The following PRPF3 variants were observed in gnomAD, a reference collection of about 807,000 sequenced individuals.
PRPF3 encodes the protein U4/U6 small nuclear ribonucleoprotein Prp3.
In PRPF3, 3 loss-of-function variants were observed where a neutral mutation model predicts 89.2. The observed-to-expected ratio is 0.03, with a 90% CI of 0.02 to 0.09. The LOEUF is 0.09. Ranked by LOEUF, PRPF3 falls within the 10% of genes least tolerant of loss-of-function variation. The pLI is 1.00. For synonymous variants in PRPF3, 270 were observed against 289.1 expected (o/e 0.93, Z 0.67); for missense variants, 463 against 828.8 (o/e 0.56, Z 5.42).
rs1657259424 is a variant in PRPF3, at chr1:150,338,162, T to C, written c.1038T>C (p.Ala346=). The change falls in exon 8 of 16, where the codon GCT becomes GCC. Residue 346 remains alanine, a splice_region_variant and synonymous_variant. Transcript: ENST00000324862. ...EKIAQRLRTK[A]QLEKLQAEIS... ...GTCTTGGATTATCTTGTTTTTAGGC[T>C]CAACTGGAGAAGCTACAGGCAGAGA... 1 of 1,613,780 alleles carries C rather than the reference T, an allele frequency of 6.2e-7. No individual in the cohort carries two copies.
intron 12 of PRPF3, 42 bp downstream of exon 12, chr1:150,344,589 A>G (rs1572267659): frequency 1.2e-6 from 2 of 1,600,996 alleles, no homozygotes; most frequent in Non-Finnish European, 1.7e-6. Context: ...TAGAATTACT[A>G]AAACATTTTC....
chr1:150,352,286 C>A (rs1038258208), intron 15 of PRPF3, among the ~76,000 whole-genome samples: 4 of 152,174 alleles, frequency 2.6e-5, no homozygotes, highest in Non-Finnish European at 5.9e-5. Flanking sequence ...ACTTGCTGTT[C>A]CACCCAGGCA....
At chr1:150,338,846 T>C (rs1218935617) in intron 8 of PRPF3, among the ~76,000 whole-genome samples, 4 of 152,134 alleles carry the variant, frequency 2.6e-5, no homozygotes, top group Non-Finnish European at 5.9e-5. Flanking sequence ...ATGTATCATA[T>C]ATATAGGCTG....
At chr1:150,326,001 T>C in intron 3 of PRPF3, 120 bp downstream of exon 3, 1 of 1,261,492 alleles carries the variant, frequency 7.9e-7, no homozygotes, top group East Asian at 2.5e-5. Flanking sequence ...TCAAGAGAGG[T>C]ACTTAGACAT....
At chr1:150,335,704 A>G (rs374824732) in intron 7 of PRPF3, among the ~76,000 whole-genome samples, 1 of 150,944 alleles carries the variant, frequency 6.6e-6, no homozygotes, top group South Asian at 2.1e-4. Flanking sequence ...ACCTCAGGTG[A>G]TCTGCCCACT....
chr1:150,321,953 A>C (rs1553862119), intron 1 of PRPF3, among the ~76,000 whole-genome samples: 2 of 152,040 alleles, frequency 1.3e-5, no homozygotes, highest in African/African-American at 4.8e-5. Context: ...TTCCTTCTGA[A>C]GACTGGATTT....
intron 12 of PRPF3, among the ~76,000 whole-genome samples, chr1:150,344,932 G>C (rs1411392720): frequency 6.6e-6 from 1 of 150,722 alleles, no homozygotes; most frequent in Admixed American, 6.6e-5. Context: ...AACATCCATG[G>C]AAGCATTACA....
At chr1:150,337,702 C>T (rs986149273) in intron 7 of PRPF3, among the ~76,000 whole-genome samples, 5 of 147,942 alleles carry the variant, frequency 3.4e-5, no homozygotes, top group East Asian at 2.0e-4. Context: ...GGCGTGAACC[C>T]GGGAGGTGGA....
chr1:150,325,974 T>C (rs1202002943), intron 3 of PRPF3, 93 bp downstream of exon 3: 3 of 1,484,452 alleles, frequency 2.0e-6, no homozygotes, highest in Non-Finnish European at 2.8e-6. Context: ...ATATCCTCTA[T>C]TTAGAGCAGC....
intron 15 of PRPF3, among the ~76,000 whole-genome samples, chr1:150,352,543 T>C (rs1659040819): frequency 2.6e-5 from 4 of 152,116 alleles, no homozygotes; most frequent in Admixed American, 2.0e-4. Flanking sequence ...CGGGCGCCTG[T>C]AGTCCCAGCT....
intron 1 of PRPF3, among the ~76,000 whole-genome samples, chr1:150,321,804 G>C (rs1297095710): frequency 2.6e-5 from 4 of 152,020 alleles, no homozygotes; most frequent in Non-Finnish European, 5.9e-5. Flanking sequence ...CCAGCTCTGG[G>C]GTGAGGAGTT....
intron 8 of PRPF3, among the ~76,000 whole-genome samples, chr1:150,339,737 G>GTTT (rs71578484): frequency 1.4e-3 from 158 of 110,230 alleles, no homozygotes; most frequent in Non-Finnish European, 1.9e-3. Flanking sequence ...CACGCCTGGC[G>GTTT]TTTTTTTTTT....
intron 14 of PRPF3, among the ~76,000 whole-genome samples, chr1:150,347,315 TACACATACAC>T (rs1304212806): frequency 6.6e-6 from 1 of 151,278 alleles, no homozygotes; most frequent in African/African-American, 2.4e-5. Context: ...TACACACACA[TACACATACAC>T]ACAATACACA....
chr1:150,343,891 G>A (rs1260760049), intron 10 of PRPF3, among the ~76,000 whole-genome samples: 1 of 152,182 alleles, frequency 6.6e-6, no homozygotes, highest in East Asian at 1.9e-4. Context: ...GCTGTGATCA[G>A]TGTGAAAAAT....
chr1:150,337,046 T>TTTTTC (rs1657085067), intron 7 of PRPF3, among the ~76,000 whole-genome samples: 1 of 145,338 alleles, frequency 6.9e-6, no homozygotes, highest in Non-Finnish European at 1.5e-5. Flanking sequence ...ATTCCTTTTT[T>TTTTTC]TTTTTTTTTT....
intron 1 of PRPF3, among the ~76,000 whole-genome samples, chr1:150,323,238 A>G (rs191801361): frequency 2.6e-5 from 3 of 116,734 alleles, no homozygotes; most frequent in South Asian, 6.3e-4. Flanking sequence ...TGGAGTGCAC[A>G]TGATTTTGGC....
At chr1:150,328,562 T>TTTTTTTTTG (rs1655967159) in intron 4 of PRPF3, 96 bp downstream of exon 4, 2 of 1,403,484 alleles carry the variant, frequency 1.4e-6, no homozygotes, top group Non-Finnish European at 1.9e-6. Flanking sequence ...TTTTTTTTTT[T>TTTTTTTTTG]TTTTTTTGAG....
intron 4 of PRPF3, among the ~76,000 whole-genome samples, chr1:150,331,669 C>T (rs930030455): frequency 7.9e-5 from 12 of 152,160 alleles, no homozygotes; most frequent in Admixed American, 4.6e-4. Flanking sequence ...CTGACCCTTC[C>T]GTAATTTTTG....
intron 15 of PRPF3, 97 bp from the exon 16 acceptor site, chr1:150,352,736 C>T (rs1553874670): frequency 7.6e-7 from 1 of 1,317,844 alleles, no homozygotes; most frequent in East Asian, 2.5e-5. Context: ...TTCAGCTGGG[C>T]ACATGTCTCA....
Sources: gnomAD v4.1 joint callset for allele counts (sites outside exome capture counted in the v4.1 genomes callset) on GRCh38, gnomAD v4.1.1 for gene constraint, MANE v1.5 for transcripts, NCBI Gene and HGNC (gene_info 2026-07-23, HGNC 2026-07-21) for gene names.